Variants in RALYL observed in about 807,000 individuals in gnomAD.
RALYL encodes the protein RNA-binding Raly-like protein.
A neutral mutation model predicts 35.1 loss-of-function variants in RALYL; 29 were observed. That is an observed-to-expected ratio of 0.83 (90% CI 0.61 to 1.13). The LOEUF (loss-of-function observed/expected upper bound fraction) is 1.13. Ranked by LOEUF, RALYL falls within the 50% of genes most tolerant of loss-of-function variation. RALYL has a pLI of 0.00. For synonymous variants in RALYL, 120 were observed against 127.6 expected (o/e 0.94, Z 0.40); for missense variants, 359 against 360.4 (o/e 1.00, Z 0.03).
chr8:84,855,380 G>A (rs1836757672), intron 5 of RALYL, among the ~76,000 whole-genome samples: 2 of 152,182 alleles, frequency 1.3e-5, no homozygotes, highest in Non-Finnish European at 2.9e-5. Flanking sequence ...GTGATTGAGG[G>A]TTTCCAACCC....
chr8:84,412,099 C>A (rs1247793921), intron 1 of RALYL, among the ~76,000 whole-genome samples: 1 of 151,822 alleles, frequency 6.6e-6, no homozygotes, highest in East Asian at 1.9e-4. Context: ...CAGCAAATAT[C>A]TATTGAAACC....
intron 2 of RALYL, among the ~76,000 whole-genome samples, chr8:84,644,226 A>G (rs1313982422): frequency 1.3e-5 from 2 of 152,046 alleles, no homozygotes; most frequent in African/African-American, 2.4e-5. Flanking sequence ...GAAAAGGGGG[A>G]AAAGTTTTAA....
intron 1 of RALYL, among the ~76,000 whole-genome samples, chr8:84,493,937 G>A (rs552887666): frequency 6.6e-6 from 1 of 152,148 alleles, no homozygotes; most frequent in African/African-American, 2.4e-5. Context: ...TTTAGCTTTT[G>A]TTGCCATTGA....
chr8:84,444,788 C>A (rs1486792214), intron 1 of RALYL, among the ~76,000 whole-genome samples: 2 of 151,906 alleles, frequency 1.3e-5, no homozygotes, highest in Non-Finnish European at 2.9e-5. Flanking sequence ...TCAGAAGGAC[C>A]CAGTAAGATA....
chr8:84,428,104 TCTCA>T (rs1386211591), intron 1 of RALYL, among the ~76,000 whole-genome samples: 275 of 131,802 alleles, frequency 2.1e-3, no homozygotes, highest in African/African-American at 3.4e-3. Context: ...TCTCTCTCTC[TCTCA>T]CACACACACA....
intron 2 of RALYL, among the ~76,000 whole-genome samples, chr8:84,626,386 G>A (rs1822737851): frequency 6.6e-6 from 1 of 152,122 alleles, no homozygotes; most frequent in Admixed American, 6.5e-5. Context: ...CTCCACTTCT[G>A]TTGTATTATT....
chr8:84,649,576 G>A (rs1828251906), intron 2 of RALYL, among the ~76,000 whole-genome samples: 1 of 151,990 alleles, frequency 6.6e-6, no homozygotes. Context: ...GGTTTGTCAA[G>A]GATCAGATAG....
intron 1 of RALYL, among the ~76,000 whole-genome samples, chr8:84,225,136 C>G (rs1586330972): frequency 6.6e-6 from 1 of 152,170 alleles, no homozygotes; most frequent in African/African-American, 2.4e-5. Context: ...TAATTCTTCT[C>G]TTTGCCTTGC....
chr8:84,316,672 G>T (rs143513801), intron 1 of RALYL, among the ~76,000 whole-genome samples: 1 of 151,940 alleles, frequency 6.6e-6, no homozygotes, highest in African/African-American at 2.4e-5. Context: ...TTCTGCATCC[G>T]CAAATTCAAT....
At chr8:84,214,233 G>A (rs982341298) in intron 1 of RALYL, among the ~76,000 whole-genome samples, 5 of 152,032 alleles carry the variant, frequency 3.3e-5, no homozygotes, top group African/African-American at 1.2e-4. Flanking sequence ...TCTGAGTAAT[G>A]AAAATTGATA....
intron 1 of RALYL, among the ~76,000 whole-genome samples, chr8:84,501,497 A>G (rs941958159): frequency 2.6e-5 from 4 of 152,038 alleles, no homozygotes; most frequent in African/African-American, 9.7e-5. Context: ...CATGTATCCT[A>G]TTTGACATAT....
At chr8:84,600,547 A>C (rs1228247035) in intron 2 of RALYL, among the ~76,000 whole-genome samples, 1 of 152,080 alleles carries the variant, frequency 6.6e-6, no homozygotes, top group Non-Finnish European at 1.5e-5. Flanking sequence ...TATTTGAGGC[A>C]AAATGTTTTC....
intron 2 of RALYL, among the ~76,000 whole-genome samples, chr8:84,580,322 G>A (rs974578354): frequency 6.6e-6 from 1 of 152,202 alleles, no homozygotes; most frequent in Non-Finnish European, 1.5e-5. Context: ...TATACATGAA[G>A]GAGGTTTATT....
intron 2 of RALYL, among the ~76,000 whole-genome samples, chr8:84,684,705 C>T (rs1836378591): frequency 6.6e-6 from 1 of 152,136 alleles, no homozygotes; most frequent in African/African-American, 2.4e-5. Flanking sequence ...TTTTAAGATA[C>T]CCAAACTTTT....
At chr8:84,219,516 G>A (rs1460092197) in intron 1 of RALYL, among the ~76,000 whole-genome samples, 1 of 152,032 alleles carries the variant, frequency 6.6e-6, no homozygotes, top group East Asian at 1.9e-4. Context: ...TTTTGTTTTT[G>A]TGTGCGTGTG....
chr8:84,318,150 A>T (rs1333767784), intron 1 of RALYL, among the ~76,000 whole-genome samples: 2 of 152,114 alleles, frequency 1.3e-5, no homozygotes, highest in African/African-American at 4.8e-5. Flanking sequence ...GCTTCTGTTA[A>T]AGACGTATTA....
At chr8:84,486,283 A>G (rs2054615552) in intron 1 of RALYL, among the ~76,000 whole-genome samples, 1 of 127,558 alleles carries the variant, frequency 7.8e-6, no homozygotes, top group South Asian at 2.9e-4. Flanking sequence ...GATTATATAT[A>G]CATATATATA....
intron 4 of RALYL, among the ~76,000 whole-genome samples, chr8:84,827,104 TA>T (rs1339852737): frequency 1.3e-5 from 2 of 152,036 alleles, no homozygotes; most frequent in Non-Finnish European, 2.9e-5. Flanking sequence ...AAAAATTTAA[TA>T]AAAGTTTGAA....
intron 2 of RALYL, among the ~76,000 whole-genome samples, chr8:84,629,880 A>G (rs2131224501): frequency 6.6e-6 from 1 of 152,150 alleles, no homozygotes; most frequent in East Asian, 1.9e-4. Flanking sequence ...GAGAAACTTT[A>G]CTCCAGAAAT....
Sources: allele counts gnomAD v4.1 joint callset (sites outside exome capture counted in the v4.1 genomes callset), GRCh38; gene constraint gnomAD v4.1.1; transcripts MANE v1.5; gene names NCBI Gene and HGNC (gene_info 2026-07-23, HGNC 2026-07-21).